Variants in ASIC2 observed in about 807,000 individuals in gnomAD.
ASIC2 encodes acid sensing ion channel subunit 2.
Under a neutral mutation model 57.3 loss-of-function variants are expected in ASIC2, and 25 were observed. The ratio of observed to expected loss-of-function variants is 0.44; its 90% CI spans 0.32 to 0.61. ASIC2 has a LOEUF of 0.61. Ranked by LOEUF, ASIC2 falls within the 20% of genes least tolerant of loss-of-function variation. The pLI is 0.06. For missense variants in ASIC2, 641 were observed against 738.1 expected, an observed-to-expected ratio of 0.87 and a Z score of 1.52; for synonymous variants, 319 against 307.5, an observed-to-expected ratio of 1.04 and a Z score of -0.39.
intron 1 of ASIC2, among the ~76,000 whole-genome samples, chr17:33,910,409 G>A (rs1915436604): frequency 1.3e-5 from 2 of 152,118 alleles, no homozygotes; most frequent in African/African-American, 4.8e-5. Context: ...AAGCCTGCCT[G>A]ATACCACCAT....
At chr17:33,524,186 C>G (rs1373208338) in intron 1 of ASIC2, among the ~76,000 whole-genome samples, 1 of 152,240 alleles carries the variant, frequency 6.6e-6, no homozygotes, top group Non-Finnish European at 1.5e-5. Context: ...TTGCTAATCC[C>G]TGCCTCCAAA....
chr17:33,613,646 C>G (rs1341786420), intron 1 of ASIC2, among the ~76,000 whole-genome samples: 2 of 152,246 alleles, frequency 1.3e-5, no homozygotes, highest in African/African-American at 2.4e-5. Flanking sequence ...GGATTACAGG[C>G]GTGAGCCACC....
chr17:33,955,925 A>C (rs879699859), intron 1 of ASIC2, among the ~76,000 whole-genome samples: 1 of 152,098 alleles, frequency 6.6e-6, no homozygotes, highest in Non-Finnish European at 1.5e-5. Context: ...AAATTTTTGT[A>C]TTATGTTCTC....
At chr17:33,610,646 T>C (rs1418003503) in intron 1 of ASIC2, among the ~76,000 whole-genome samples, 2 of 151,818 alleles carry the variant, frequency 1.3e-5, no homozygotes, top group African/African-American at 4.8e-5. Flanking sequence ...GGAGGATCAG[T>C]TGAGCCCAGG....
intron 1 of ASIC2, among the ~76,000 whole-genome samples, chr17:33,954,816 C>G (rs957569248): frequency 6.6e-6 from 1 of 152,298 alleles, no homozygotes. Flanking sequence ...GAAAGTTTCC[C>G]TGACATGCAG....
At chr17:33,619,477 A>AG (rs963957474) in intron 1 of ASIC2, among the ~76,000 whole-genome samples, 84 of 152,330 alleles carry the variant, frequency 5.5e-4, no homozygotes, top group African/African-American at 1.9e-3. Flanking sequence ...AAAGGATTCA[A>AG]GGGTAAGGTT....
intron 1 of ASIC2, among the ~76,000 whole-genome samples, chr17:34,044,863 T>C (rs555167364): frequency 9.8e-5 from 15 of 152,324 alleles, no homozygotes; most frequent in Non-Finnish European, 1.8e-4. Flanking sequence ...ATGGTTCAAA[T>C]GCCTCTGGAA....
At chr17:34,085,617 C>T (rs1910086048) in intron 1 of ASIC2, among the ~76,000 whole-genome samples, 1 of 152,098 alleles carries the variant, frequency 6.6e-6, no homozygotes, top group Admixed American at 6.5e-5. Context: ...GGAATGGTAC[C>T]AGTTCCTCCT....
intron 1 of ASIC2, among the ~76,000 whole-genome samples, chr17:33,409,710 G>A (rs991336172): frequency 1.1e-4 from 17 of 152,210 alleles, no homozygotes; most frequent in African/African-American, 4.1e-4. Flanking sequence ...GGCCGAGGGA[G>A]CTGGACCATT....
rs149810649 is a variant in ASIC2, at chr17:33,836,069, T to TACACAC, written c.555+319903_555+319908dup. 5.4e-4 allele frequency among the ~76,000 whole-genome samples: 79 copies of TACACAC among 146,506 alleles called. 1 individual carries two copies. In the South Asian group the frequency reaches 0.011, roughly 21 times the overall value. ...TTATGTATATCATATATTATATATA[T>TACACAC]ACACACACACACACATATATAATTA... On this transcript the variant is annotated intron_variant, in intron 1 of 9. Coordinates refer to the ASIC2 transcript ENST00000359872.
In ASIC2 at chr17:33,196,518, A is replaced by T. The variant is rs146680062; in HGVS notation, c.709-84451T>A. On this transcript the variant is annotated intron_variant, in intron 1 of 9. Coordinates refer to ENST00000225823, the MANE Select transcript of ASIC2 (RefSeq NM_183377.2). ...GTGTAGCCAGCTGAAGAGCATACAT[A>T]GAATTACAATGGCCTGTCCTGGTGG... Among the ~76,000 whole-genome samples, 809 of 152,318 alleles carry T rather than the reference A, an allele frequency of 5.3e-3. 15 individuals carry two copies. Among genetic ancestry groups the T allele is most frequent in the African/African-American group, 0.019 (779 of 41,578 alleles).
At chr17:34,036,429 G>T (rs1377090910) in intron 1 of ASIC2, among the ~76,000 whole-genome samples, 1 of 150,090 alleles carries the variant, frequency 6.7e-6, no homozygotes, top group East Asian at 2.0e-4. Flanking sequence ...GTTAAATGAC[G>T]AGTTAATGGG....
intron 1 of ASIC2, among the ~76,000 whole-genome samples, chr17:33,811,677 G>T (rs1912425990): frequency 6.6e-6 from 1 of 152,168 alleles, no homozygotes; most frequent in Admixed American, 6.5e-5. Context: ...TAGAACCTGA[G>T]ACATAGTCTA....
intron 3 of ASIC2, among the ~76,000 whole-genome samples, chr17:33,033,264 G>A (rs933948844): frequency 4.6e-5 from 7 of 152,280 alleles, no homozygotes; most frequent in African/African-American, 1.4e-4. Context: ...GCTCCTGGGC[G>A]GGGCTACAGC....
chr17:33,179,819 G>T (rs150447291), intron 1 of ASIC2, among the ~76,000 whole-genome samples: 5 of 152,318 alleles, frequency 3.3e-5, no homozygotes, highest in African/African-American at 1.2e-4. Flanking sequence ...TCGTTCTAAC[G>T]TATCATTGTG....
intron 1 of ASIC2, among the ~76,000 whole-genome samples, chr17:33,433,074 A>G (rs9709422): frequency 0.38 from 57,809 of 152,056 alleles, 11,473 homozygotes; most frequent in Non-Finnish European, 0.42. Flanking sequence ...AAGAATAGAA[A>G]TCGTTCTATC....
chr17:33,391,452 G>T (rs1305525000), intron 1 of ASIC2, among the ~76,000 whole-genome samples: 1 of 152,214 alleles, frequency 6.6e-6, no homozygotes, highest in Non-Finnish European at 1.5e-5. Context: ...GACCACAGAG[G>T]TCTGGTCCTG....
chr17:33,816,624 T>C (rs1404332734), intron 1 of ASIC2: 1 of 152,100 alleles, frequency 6.6e-6, no homozygotes, highest in African/African-American at 2.4e-5. Flanking sequence ...ATGAAAAAAG[T>C]CTGAGGGTGG....
chr17:33,536,060 T>G (rs1915217870), intron 1 of ASIC2, among the ~76,000 whole-genome samples: 1 of 152,238 alleles, frequency 6.6e-6, no homozygotes, highest in Non-Finnish European at 1.5e-5. Flanking sequence ...ATGGAGATAG[T>G]AGAAAATGTT....
Sources: allele counts gnomAD v4.1 joint callset (sites outside exome capture counted in the v4.1 genomes callset), GRCh38; gene constraint gnomAD v4.1.1; transcripts MANE v1.5; gene names NCBI Gene and HGNC (gene_info 2026-07-23, HGNC 2026-07-21).